PDE4D: variants seen among roughly 807,000 people sequenced by gnomAD.
PDE4D encodes the protein phosphodiesterase 4D.
In PDE4D, 24 loss-of-function variants were observed where a neutral mutation model predicts 87.4. The ratio of observed to expected loss-of-function variants is 0.27; its 90% CI spans 0.20 to 0.39. PDE4D has a LOEUF of 0.39. PDE4D is among the 10% of genes least tolerant of loss of function. The probability of loss-of-function intolerance (pLI) is 1.00; values close to 1 mark genes in which losing one functional copy is unlikely to be tolerated. For synonymous variants in PDE4D, 384 were observed against 383.2 expected (o/e 1.00, Z -0.02); for missense variants, 714 against 1,041.0 (o/e 0.69, Z 4.32).
chr5:60,130,311 C>A (rs1779456015), intron 2 of PDE4D, among the ~76,000 whole-genome samples: 1 of 152,058 alleles, frequency 6.6e-6, no homozygotes, highest in South Asian at 2.1e-4. Context: ...TAGAGATTAC[C>A]AAATATTGGC....
chr5:59,482,250 TC>T (rs1395650356), intron 1 of PDE4D, among the ~76,000 whole-genome samples: 1 of 152,166 alleles, frequency 6.6e-6, no homozygotes, highest in East Asian at 1.9e-4. Flanking sequence ...ATATTTTAAT[TC>T]CTTAATACTT....
intron 1 of PDE4D, among the ~76,000 whole-genome samples, chr5:59,406,395 T>TTCC (rs1791654270): frequency 1.1e-3 from 37 of 33,236 alleles, no homozygotes; most frequent in South Asian, 1.8e-3. Context: ...TATCTTTCCT[T>TTCC]CCCCCCCCCC....
chr5:59,675,662 A>G (rs1311651637), intron 1 of PDE4D, among the ~76,000 whole-genome samples: 1 of 152,134 alleles, frequency 6.6e-6, no homozygotes, highest in African/African-American at 2.4e-5. Flanking sequence ...TAATAATTTT[A>G]AAAGTAATTT....
intron 1 of PDE4D, chr5:59,314,751 AT>A (rs1207642798): frequency 6.6e-6 from 1 of 152,128 alleles, no homozygotes; most frequent in Non-Finnish European, 1.5e-5. Context: ...CTGCTCTCCC[AT>A]TGCTCACATG....
rs150194739 is a variant in PDE4D, at chr5:59,219,411, A to C, written c.456-3443T>G. Among the ~76,000 whole-genome samples the C allele has an allele frequency of 3.5e-3, 539 of 152,234 alleles. 2 individuals are homozygous for C. Among genetic ancestry groups the C allele is most frequent in the African/African-American group, 0.012 (510 of 41,554 alleles). On this transcript the variant is annotated intron_variant, in intron 1 of 14. Coordinates refer to ENST00000340635, the MANE Select transcript of PDE4D (RefSeq NM_001104631.2). ...GAGTTCATTTGCATAATTTATTTCC[A>C]TGATATTAAATCCTCTTATAATCAA...
intron 1 of PDE4D, among the ~76,000 whole-genome samples, chr5:59,409,469 G>A (rs576675451): frequency 6.6e-6 from 1 of 152,228 alleles, no homozygotes; most frequent in African/African-American, 2.4e-5. Flanking sequence ...TTGGAGATGG[G>A]CCCTGGTGCG....
At chr5:60,127,315 C>G (rs1429821055) in intron 2 of PDE4D, among the ~76,000 whole-genome samples, 2 of 152,074 alleles carry the variant, frequency 1.3e-5, no homozygotes, top group Non-Finnish European at 2.9e-5. Context: ...CAATGGGAAA[C>G]CGCTAACTGG....
intron 5 of PDE4D, among the ~76,000 whole-genome samples, chr5:59,112,430 T>A (rs1772830744): frequency 6.6e-6 from 1 of 152,168 alleles, no homozygotes; most frequent in Admixed American, 6.5e-5. Context: ...GTCTTTTGAA[T>A]AGACTGTTAT....
chr5:59,932,196 G>A (rs1009253581), intron 3 of PDE4D, among the ~76,000 whole-genome samples: 1 of 152,158 alleles, frequency 6.6e-6, no homozygotes, highest in Non-Finnish European at 1.5e-5. Flanking sequence ...ATAGAAAATA[G>A]GATTTTTATA....
intron 1 of PDE4D, among the ~76,000 whole-genome samples, chr5:59,852,986 A>C (rs547704731): frequency 1.3e-5 from 2 of 152,220 alleles, no homozygotes; most frequent in South Asian, 4.1e-4. Context: ...AGATGAAAAG[A>C]TTAAGAGTTC....
chr5:59,338,485 G>A (rs749794450), intron 1 of PDE4D, among the ~76,000 whole-genome samples: 6 of 152,184 alleles, frequency 3.9e-5, no homozygotes, highest in Non-Finnish European at 8.8e-5. Context: ...GGAATCATGT[G>A]CATGTCCAGT....
chr5:59,790,911 C>T (rs1765710930), intron 1 of PDE4D, among the ~76,000 whole-genome samples: 1 of 152,208 alleles, frequency 6.6e-6, no homozygotes, highest in South Asian at 2.1e-4. Context: ...TTTCATTGTG[C>T]TCAGCGTGGG....
chr5:59,741,205 T>C (rs1382271506), intron 1 of PDE4D, among the ~76,000 whole-genome samples: 1 of 152,194 alleles, frequency 6.6e-6, no homozygotes, highest in Non-Finnish European at 1.5e-5. Context: ...TTTTCCTAAA[T>C]GTGTGACCTT....
intron 1 of PDE4D, among the ~76,000 whole-genome samples, chr5:60,406,597 C>T (rs77228549): frequency 0.056 from 8,477 of 152,130 alleles, 750 homozygotes; most frequent in African/African-American, 0.19. Context: ...TAAATTCCAG[C>T]TAAAATTTAT....
rs538577062 is a variant in PDE4D, at chr5:59,014,391, G to C, written c.922-20926C>G. Among the ~76,000 whole-genome samples the C allele has an allele frequency of 1.8e-4, 27 of 152,232 alleles. No homozygotes were observed. The South Asian group carries it at 3.9e-3, about 22-fold the overall frequency. On this transcript the variant is annotated intron_variant, in intron 6 of 14. Transcript: ENST00000340635. Reference sequence around the variant, plus strand: ...TGCAGATGACATGATTATATATTTAGAAAACCCCATCATCTCAGCCCAAAA... The same window carrying C: ...TGCAGATGACATGATTATATATTTACAAAACCCCATCATCTCAGCCCAAAA...
chr5:59,318,322 G>A (rs1033962767), intron 1 of PDE4D, among the ~76,000 whole-genome samples: 2 of 152,094 alleles, frequency 1.3e-5, no homozygotes, highest in African/African-American at 4.8e-5. Context: ...AGCAAATTGA[G>A]GTGGAGTACA....
chr5:59,300,175 G>A (rs1286579882), intron 1 of PDE4D, among the ~76,000 whole-genome samples: 1 of 141,306 alleles, frequency 7.1e-6, no homozygotes, highest in Non-Finnish European at 1.5e-5. Context: ...CTTATTAAAT[G>A]AATGAAAAAT....
intron 1 of PDE4D, among the ~76,000 whole-genome samples, chr5:60,258,044 C>G (rs561796138): frequency 6.6e-6 from 1 of 152,102 alleles, no homozygotes; most frequent in African/African-American, 2.4e-5. Flanking sequence ...CCACACACAC[C>G]TCACTCGCCA....
chr5:59,636,333 T>C (rs1832237204), intron 1 of PDE4D, among the ~76,000 whole-genome samples: 1 of 152,184 alleles, frequency 6.6e-6, no homozygotes, highest in African/African-American at 2.4e-5. Flanking sequence ...TTCAATGCTA[T>C]TCCCATCAAG....
Sources: allele counts gnomAD v4.1 joint callset (sites outside exome capture counted in the v4.1 genomes callset), GRCh38; gene constraint gnomAD v4.1.1; transcripts MANE v1.5; gene names NCBI Gene and HGNC (gene_info 2026-07-23, HGNC 2026-07-21).